The following GGA2 variants were observed in gnomAD, a reference collection of about 807,000 sequenced individuals.
GGA2 encodes the protein ADP-ribosylation factor-binding protein GGA2.
GGA2 carries 48 observed loss-of-function variants against 79.5 expected under a neutral mutation model. The observed-to-expected ratio is 0.60, with a 90% CI of 0.48 to 0.77. GGA2 has a LOEUF of 0.77. Among genes scored for constraint, GGA2 ranks in the 30% least tolerant of loss-of-function variants. The pLI is 0.00. For missense variants in GGA2, 770 were observed against 774.0 expected (o/e 0.99, Z 0.06); for synonymous variants, 317 against 302.0 (o/e 1.05, Z -0.51).
intron 1 of GGA2, among the ~76,000 whole-genome samples, chr16:23,521,433 T>C (rs1965141374): frequency 1.3e-5 from 2 of 151,996 alleles, no homozygotes; most frequent in South Asian, 2.1e-4. Flanking sequence ...AGGATCTTGC[T>C]CTGTTGCCCA....
chr16:23,486,934 G>T (rs1479026183), intron 6 of GGA2, 144 bp from the exon 7 acceptor site: 1 of 671,134 alleles, frequency 1.5e-6, no homozygotes, highest in Non-Finnish European at 2.7e-6. Context: ...AGGACACTAC[G>T]ATGCAGGCAC....
chr16:23,510,387 C>CCGCCGCCACCGCGGT lies in GGA2; in HGVS notation c.10_24dup (p.Thr4_Ala8dup), dbSNP rs1446407351. 2.1e-6 allele frequency: 3 copies of CCGCCGCCACCGCGGT among 1,398,990 alleles called. No individual in the cohort carries two copies. Among genetic ancestry groups the CCGCCGCCACCGCGGT allele is most frequent in the East Asian group, 3.1e-5 (1 of 32,284 alleles). The allele number at this position is 1,398,990 out of a possible 1,614,324, so 86.7% of individuals were successfully genotyped here. A position where few individuals can be genotyped will look rare whatever the true frequency, so the allele number is the denominator to read the frequency against. On this transcript the variant is annotated inframe_insertion, in exon 1 of 17. Coordinates refer to ENST00000309859, the MANE Select transcript of GGA2 (RefSeq NM_015044.4). ...TGGGCCGACTCGGTTCCCGCCACAG[C>CCGCCGCCACCGCGGT]CGCCGCCACCGCGGTCGCCGCCATC...
At chr16:23,521,853 G>A in exon 1 of GGA2, 1 of 456,024 alleles carries the variant, frequency 2.2e-6, no homozygotes, top group Non-Finnish European at 4.4e-6. Flanking sequence ...CAGATGCTCT[G>A]ACAACACTCA....
rs1423582781 is a variant in GGA2, at chr16:23,470,079, C to G, written c.1537G>C (p.Glu513Gln). ...ATGGTCAAGAGCAGCACCTGTACCT[C>G]TGGGTGCCCAGGGGCTCCCGTCTGG... Reference protein sequence around the residue: ...FSQTGAPGHPEVQVLLLTMMS... With the variant: ...FSQTGAPGHPQVQVLLLTMMS... Residue 513 changes from glutamate to glutamine, a missense_variant, in exon 15 of 17, where the codon GAG becomes CAG. Coordinates refer to ENST00000309859, the MANE Select transcript of GGA2 (RefSeq NM_015044.4). 6.2e-7 allele frequency: 1 copy of G among 1,610,346 alleles called. No individual in the cohort carries two copies. The highest frequency in any genetic ancestry group is 2.2e-5 in the East Asian group (1 of 44,738).
chr16:23,470,155 C>T lies in GGA2; in HGVS notation c.1461G>A (p.Pro487=), dbSNP rs1196796202. ...CATTCCGGTCATACACAATGAGAGG[C>T]GGCAGGCTGCCTGGTATAAAGGGCA... is the stretch of plus-strand genomic sequence containing the variant. ...PLESVKPSSL[P]PLIVYDRNGF... The change falls in exon 15 of 17, where the codon CCG becomes CCA. Residue 487 remains proline, a synonymous_variant. Transcript: ENST00000309859. 12 of 1,597,858 alleles carry T rather than the reference C, an allele frequency of 7.5e-6. No individual in the cohort carries two copies. The highest frequency in any genetic ancestry group is 1.1e-5 in the South Asian group (1 of 87,500).
intron 14 of GGA2, 68 bp from the exon 15 acceptor site, chr16:23,470,233 G>T: frequency 8.1e-7 from 1 of 1,240,836 alleles, no homozygotes. Context: ...AGGCTGGAAA[G>T]AGATGTACAT....
At chr16:23,515,713 G>A (rs1597001021) in intron 2 of GGA2, among the ~76,000 whole-genome samples, 1 of 151,808 alleles carries the variant, frequency 6.6e-6, no homozygotes, top group Non-Finnish European at 1.5e-5. Flanking sequence ...TGGATTTCAG[G>A]CATTCAGGTT....
chr16:23,515,645 A>G (rs1400012371), intron 2 of GGA2, among the ~76,000 whole-genome samples: 2 of 151,990 alleles, frequency 1.3e-5, no homozygotes, highest in East Asian at 3.8e-4. Context: ...ACAGCAACAC[A>G]ATGACAGACT....
chr16:23,509,220 T>G (rs1292830453), intron 1 of GGA2, among the ~76,000 whole-genome samples: 2 of 152,240 alleles, frequency 1.3e-5, no homozygotes, highest in Non-Finnish European at 2.9e-5. Flanking sequence ...ACAAGGCTCT[T>G]GAAGATCTCG....
At position 23,479,859 on chromosome 16, in the gene GGA2, C is replaced by A; in HGVS notation, c.1035G>T (p.Lys345Asn). 6.2e-7 allele frequency: 1 copy of A among 1,613,994 alleles called. No homozygotes were observed. The highest frequency in any genetic ancestry group is 1.1e-5 in the South Asian group (1 of 91,082). ...RVFQNPAGCM[K>N]TCPLIDLEVD... ...CCTCCAAGTCAATCAGGGGGCAGGTCTTCATGCAGCCTGCTGGATTCTGAA... is the reference window on the plus strand; with the variant it reads ...CCTCCAAGTCAATCAGGGGGCAGGTATTCATGCAGCCTGCTGGATTCTGAA... Residue 345 changes from lysine to asparagine, a missense_variant, in exon 11 of 17, where the codon AAG (lysine) becomes AAT (asparagine). Coordinates refer to ENST00000309859, the MANE Select transcript of GGA2 (RefSeq NM_015044.4).
chr16:23,476,832 G>A (rs374112004), intron 13 of GGA2, among the ~76,000 whole-genome samples: 12 of 152,216 alleles, frequency 7.9e-5, no homozygotes, highest in South Asian at 6.2e-4. Context: ...AAAAACAAAC[G>A]GCAAAAACCT....
At chr16:23,497,714 C>T (rs1964874068) in intron 1 of GGA2, among the ~76,000 whole-genome samples, 4 of 152,198 alleles carry the variant, frequency 2.6e-5, no homozygotes, top group Non-Finnish European at 1.5e-5. Context: ...CCCCATAAAA[C>T]AAAAGCTGTC....
intron 8 of GGA2, among the ~76,000 whole-genome samples, chr16:23,483,884 T>C (rs1045709019): frequency 1.3e-5 from 2 of 149,838 alleles, no homozygotes; most frequent in African/African-American, 2.5e-5. Context: ...TGAACTCAGG[T>C]CATCCGCCTG....
chr16:23,490,125 C>T (rs1269941632), intron 5 of GGA2, among the ~76,000 whole-genome samples: 1 of 152,180 alleles, frequency 6.6e-6, no homozygotes, highest in East Asian at 1.9e-4. Flanking sequence ...CTCTGAGGTG[C>T]AGAGGAAAGT....
intron 14 of GGA2, among the ~76,000 whole-genome samples, chr16:23,472,006 T>G (rs1278385943): frequency 6.6e-6 from 1 of 151,952 alleles, no homozygotes; most frequent in Non-Finnish European, 1.5e-5. Flanking sequence ...GGCAAGAGTA[T>G]GGGGAAAAAA....
intron 14 of GGA2, among the ~76,000 whole-genome samples, chr16:23,470,767 A>AC (rs56057426): frequency 7.2e-5 from 10 of 139,056 alleles, no homozygotes; most frequent in Admixed American, 2.2e-4. Context: ...AAACAAACAA[A>AC]AAACAAAAAG....
intron 13 of GGA2, 83 bp from the exon 14 acceptor site, chr16:23,475,144 G>T: frequency 1.3e-6 from 1 of 746,358 alleles, no homozygotes; most frequent in Non-Finnish European, 2.2e-6. Flanking sequence ...TAAAGAACAA[G>T]GAAAAAATAA....
rs1183112825 is a variant in GGA2 at position 23,470,092 on chromosome 16, G to A, written c.1524C>T (p.Ala508=). 1 of 1,609,996 alleles carries A rather than the reference G, an allele frequency of 6.2e-7. No individual in the cohort carries two copies. Among genetic ancestry groups the A allele is most frequent in the African/African-American group, 1.3e-5 (1 of 74,940 alleles). ...GCACCTGTACCTCTGGGTGCCCAGG[G>A]GCTCCCGTCTGGGAGAAGTGGAGCA... ...RILLHFSQTG[A]PGHPEVQVLL... The change falls in exon 15 of 17, where the codon GCC becomes GCT. Residue 508 remains alanine, a synonymous_variant. Transcript: ENST00000309859.
At chr16:23,478,950 T>C (rs1197952333) in intron 11 of GGA2, 39 bp from the exon 12 acceptor site, 4 of 1,386,092 alleles carry the variant, frequency 2.9e-6, no homozygotes, top group Non-Finnish European at 4.1e-6. Context: ...TAACAGTAAC[T>C]CCACCTGCTT....
Sources: gnomAD v4.1 joint callset for allele counts (sites outside exome capture counted in the v4.1 genomes callset) on GRCh38, gnomAD v4.1.1 for gene constraint, MANE v1.5 for transcripts, NCBI Gene and HGNC (gene_info 2026-07-23, HGNC 2026-07-21) for gene names.